RFX3: variants seen among roughly 807,000 people sequenced by gnomAD.
RFX3 encodes the protein regulatory factor X3.
A neutral mutation model predicts 98.6 loss-of-function variants in RFX3; 14 were observed. That is an observed-to-expected ratio of 0.14 (90% CI 0.09 to 0.22). The LOEUF (loss-of-function observed/expected upper bound fraction) is 0.22, where lower values mean the gene tolerates loss of function less well. RFX3 is among the 10% of genes least tolerant of loss of function. The pLI is 1.00. For missense variants in RFX3, 639 were observed against 926.9 expected (o/e 0.69, Z 4.03); for synonymous variants, 383 against 328.4 (o/e 1.17, Z -1.80).
In RFX3 at chr9:3,344,805, T is replaced by G. The variant is rs965784790; in HGVS notation, c.215+1862A>C. The G allele has an allele frequency of 5.6e-6, 4 of 709,020 alleles. No homozygotes were observed. The African/African-American group carries it at 7.1e-5, about 13-fold the overall frequency. 43.9% of individuals were successfully genotyped at this position (709,020 alleles called of 1,614,324 possible). ...AAGGTCGAAGTGGCAGGCGTCTTTT[T>G]CATTTGGTATAAATGCCAACAGTAG... On this transcript the variant is annotated intron_variant, in intron 3 of 16. Transcript: ENST00000617270.
At chr9:3,504,024 A>C (rs1816342899) in intron 1 of RFX3, among the ~76,000 whole-genome samples, 1 of 151,008 alleles carries the variant, frequency 6.6e-6, no homozygotes. Context: ...ACTTGGAAGC[A>C]GGTAGGGTGG....
intron 1 of RFX3, among the ~76,000 whole-genome samples, chr9:3,455,560 T>C (rs2132949987): frequency 6.6e-6 from 1 of 152,348 alleles, no homozygotes; most frequent in East Asian, 1.9e-4. Flanking sequence ...GGTCAGTTTT[T>C]CTGTTTTTAG....
At chr9:3,440,226 A>G (rs1316742077) in intron 1 of RFX3, among the ~76,000 whole-genome samples, 3 of 152,048 alleles carry the variant, frequency 2.0e-5, no homozygotes, top group Non-Finnish European at 4.4e-5. Context: ...CATCACTTCT[A>G]TTCAATACTG....
chr9:3,479,353 A>T (rs556302008), intron 1 of RFX3, among the ~76,000 whole-genome samples: 4 of 152,322 alleles, frequency 2.6e-5, no homozygotes, highest in African/African-American at 7.2e-5. Context: ...TTCTGAATTT[A>T]TAATTTTCAG....
chr9:3,261,085 T>G (rs563654372), intron 13 of RFX3, among the ~76,000 whole-genome samples: 1 of 152,014 alleles, frequency 6.6e-6, no homozygotes, highest in East Asian at 1.9e-4. Flanking sequence ...AATAAAATAA[T>G]TACTAATTAG....
At chr9:3,420,181 T>A (rs1843322326) in intron 1 of RFX3, among the ~76,000 whole-genome samples, 3 of 152,170 alleles carry the variant, frequency 2.0e-5, no homozygotes, top group Admixed American at 2.0e-4. Flanking sequence ...TTCTTCCAGA[T>A]TTTTGCACTG....
At chr9:3,273,616 C>A (rs1055203085) in intron 9 of RFX3, among the ~76,000 whole-genome samples, 2 of 152,046 alleles carry the variant, frequency 1.3e-5, no homozygotes, top group African/African-American at 4.8e-5. Context: ...GTAATCCCAG[C>A]ACTTTGGGAG....
chr9:3,273,742 G>C (rs932796289), intron 9 of RFX3, among the ~76,000 whole-genome samples: 4 of 151,798 alleles, frequency 2.6e-5, no homozygotes, highest in African/African-American at 4.8e-5. Context: ...GTGCATGCCT[G>C]TAATTCCAGC....
At chr9:3,303,625 A>C (rs1828924912) in intron 4 of RFX3, among the ~76,000 whole-genome samples, 1 of 151,496 alleles carries the variant, frequency 6.6e-6, no homozygotes, top group African/African-American at 2.4e-5. Context: ...TCAGTTGGAT[A>C]AACCAGCACT....
In RFX3 at chr9:3,395,682, T is replaced by G. The variant is rs567889117; in HGVS notation, c.-8-86A>C. On this transcript the variant is annotated intron_variant, in intron 1 of 16. Coordinates refer to ENST00000617270, the MANE Select transcript of RFX3 (RefSeq NM_001282116.2). ...TACAATTGTTCTTAAAATCCTATACTGAAACTAACTTTCAACTCTCATACC... is the reference window on the plus strand; with the variant it reads ...TACAATTGTTCTTAAAATCCTATACGGAAACTAACTTTCAACTCTCATACC... The G allele has an allele frequency of 2.1e-6, 3 of 1,408,946 alleles. No homozygotes were observed. The South Asian group carries it at 3.7e-5, about 18-fold the overall frequency. 87.3% of individuals were successfully genotyped at this position (1,408,946 alleles called of 1,614,324 possible). A position where few individuals can be genotyped will look rare whatever the true frequency, so the allele number is the denominator to read the frequency against.
intron 1 of RFX3, among the ~76,000 whole-genome samples, chr9:3,444,125 G>T (rs1587694472): frequency 6.6e-6 from 1 of 152,170 alleles, no homozygotes; most frequent in African/African-American, 2.4e-5. Flanking sequence ...AGTCATAAGA[G>T]CTTTAATCAT....
rs772675197 is a variant in RFX3 at position 3,248,054 on chromosome 9, G to C, written c.1946C>G (p.Thr649Ser). 1.9e-6 allele frequency: 3 copies of C among 1,613,874 alleles called. No homozygotes were observed. The African/African-American group carries it at 4.0e-5, about 22-fold the overall frequency. ...EHRVAQATGE[T>S]PIAVMGEFGD... ...TACCTCGCCCATGACTGCTATAGGA[G>C]TCTCTCCTGTTGCCTGAGCAACACG... The change falls in exon 15 of 17, where the codon ACT becomes AGT. Residue 649 changes from threonine to serine, a missense_variant. Transcript: ENST00000617270.
intron 1 of RFX3, among the ~76,000 whole-genome samples, chr9:3,462,585 A>C (rs183162632): frequency 3.3e-5 from 5 of 152,078 alleles, no homozygotes; most frequent in African/African-American, 1.2e-4. Flanking sequence ...ATTAGAAAAG[A>C]AGTAGTAAAA....
chr9:3,389,547 T>C (rs1375811184), intron 2 of RFX3, among the ~76,000 whole-genome samples: 2 of 152,130 alleles, frequency 1.3e-5, no homozygotes, highest in African/African-American at 4.8e-5. Flanking sequence ...GGAAATTTCA[T>C]ATAGCATTTC....
intron 1 of RFX3, among the ~76,000 whole-genome samples, chr9:3,397,736 C>A (rs912964267): frequency 3.3e-5 from 5 of 152,160 alleles, no homozygotes; most frequent in African/African-American, 1.2e-4. Context: ...ACCCCTAAAG[C>A]AGCACAATAA....
intron 7 of RFX3, among the ~76,000 whole-genome samples, chr9:3,282,960 T>G (rs908567061): frequency 2.0e-5 from 3 of 151,814 alleles, no homozygotes; most frequent in African/African-American, 7.2e-5. Flanking sequence ...ATATTTTAAA[T>G]GTTCCACAAA....
chr9:3,433,595 C>T (rs1844852392), intron 1 of RFX3, among the ~76,000 whole-genome samples: 1 of 152,142 alleles, frequency 6.6e-6, no homozygotes, highest in African/African-American at 2.4e-5. Context: ...GGTGTTGCCA[C>T]CCCAAACCAC....
chr9:3,263,743 G>T (rs538435444), intron 12 of RFX3, among the ~76,000 whole-genome samples: 7 of 152,082 alleles, frequency 4.6e-5, no homozygotes, highest in Non-Finnish European at 1.0e-4. Flanking sequence ...TCTTCATCTT[G>T]TTCTGTGCCC....
At chr9:3,337,239 C>A (rs1397055994) in intron 3 of RFX3, among the ~76,000 whole-genome samples, 1 of 152,032 alleles carries the variant, frequency 6.6e-6, no homozygotes, top group Non-Finnish European at 1.5e-5. Context: ...GAAATAGATA[C>A]AATAATAAGA....
Sources: allele counts gnomAD v4.1 joint callset (sites outside exome capture counted in the v4.1 genomes callset), GRCh38; gene constraint gnomAD v4.1.1; transcripts MANE v1.5; gene names NCBI Gene and HGNC (gene_info 2026-07-23, HGNC 2026-07-21).